Variants in TACR3 observed in about 807,000 individuals in gnomAD.
TACR3 encodes the protein tachykinin receptor 3, also known as neuromedin-K receptor.
TACR3 carries 34 observed loss-of-function variants against 35.0 expected under a neutral mutation model. The ratio of observed to expected loss-of-function variants is 0.97; its 90% CI spans 0.74 to 1.30. The LOEUF is 1.30. Ranked by LOEUF, TACR3 falls within the 50% of genes most tolerant of loss-of-function variation. The probability of loss-of-function intolerance (pLI) is 0.00; values close to 1 mark genes in which losing one functional copy is unlikely to be tolerated. For synonymous variants in TACR3, 233 were observed against 221.1 expected, an observed-to-expected ratio of 1.05 and a Z score of -0.48; for missense variants, 558 against 591.7, an observed-to-expected ratio of 0.94 and a Z score of 0.59.
At chr4:103,677,258 G>T (rs1240685856) in intron 1 of TACR3, among the ~76,000 whole-genome samples, 1 of 152,186 alleles carries the variant, frequency 6.6e-6, no homozygotes, top group Non-Finnish European at 1.5e-5. Flanking sequence ...TACACTGTTG[G>T]TAGGAGTATA....
chr4:103,603,345 G>A (rs575758492), intron 3 of TACR3, among the ~76,000 whole-genome samples: 5 of 152,326 alleles, frequency 3.3e-5, no homozygotes, highest in Admixed American at 6.5e-5. Context: ...TGCACTTCCC[G>A]GGTGAGGTTA....
In TACR3 at chr4:103,608,713, T is replaced by C. The variant is rs569250999; in HGVS notation, c.889-17030A>G. On this transcript the variant is annotated intron_variant, in intron 3 of 4. Transcript: ENST00000304883. Reference sequence around the variant, plus strand: ...AGGTCGCCAAGTACAACCGAAGGCTTATGCTTTCTAACAGAGTATGAGCAA... The same window carrying C: ...AGGTCGCCAAGTACAACCGAAGGCTCATGCTTTCTAACAGAGTATGAGCAA... Among the ~76,000 whole-genome samples the C allele has an allele frequency of 1.8e-4, 28 of 152,224 alleles. No individual in the cohort carries two copies. In the South Asian group the frequency reaches 5.8e-3, roughly 32 times the overall value.
At chr4:103,614,882 G>GTTTTTTTT (rs1325226834) in intron 3 of TACR3, among the ~76,000 whole-genome samples, 6 of 90,818 alleles carry the variant, frequency 6.6e-5, no homozygotes, top group Middle Eastern at 6.2e-3. Context: ...GATTATGAAT[G>GTTTTTTTT]TGTTTTTTTT....
At chr4:103,599,939 G>A (rs1326419210) in intron 3 of TACR3, among the ~76,000 whole-genome samples, 1 of 152,088 alleles carries the variant, frequency 6.6e-6, no homozygotes, top group Non-Finnish European at 1.5e-5. Context: ...GTCTCTGCTG[G>A]GCTTTGGTAT....
chr4:103,678,254 AT>A (rs201000395), intron 1 of TACR3, among the ~76,000 whole-genome samples: 4 of 151,928 alleles, frequency 2.6e-5, no homozygotes, highest in Non-Finnish European at 5.9e-5. Context: ...CACTGTATCA[AT>A]TTTTTTTATC....
In TACR3 at chr4:103,639,004, A is replaced by G. The variant is rs575759634; in HGVS notation, c.888+17190T>C. ...TACACTGTTGGTGGGACTGTAAACT[A>G]GTTCAACCATTGTGGAAGTCGGTGT... is the stretch of plus-strand genomic sequence containing the variant. On this transcript the variant is annotated intron_variant, in intron 3 of 4. Coordinates refer to ENST00000304883, the MANE Select transcript of TACR3 (RefSeq NM_001059.3). Among the ~76,000 whole-genome samples, 119 of 152,286 alleles carry G rather than the reference A, an allele frequency of 7.8e-4. 1 individual carries two copies. The highest frequency in any genetic ancestry group is 3.4e-3 in the Middle Eastern group (1 of 294).
chr4:103,609,706 T>C (rs1724471913), intron 3 of TACR3, among the ~76,000 whole-genome samples: 1 of 152,066 alleles, frequency 6.6e-6, no homozygotes, highest in Non-Finnish European at 1.5e-5. Flanking sequence ...TAACTTATTC[T>C]TCCTATCGAA....
intron 1 of TACR3, among the ~76,000 whole-genome samples, chr4:103,663,702 T>A (rs1725880398): frequency 6.6e-6 from 1 of 152,152 alleles, no homozygotes; most frequent in Non-Finnish European, 1.5e-5. Context: ...ATAGGGAGAA[T>A]TGCCAGGCTC....
At chr4:103,702,260 C>T (rs1269368631) in intron 1 of TACR3, among the ~76,000 whole-genome samples, 1 of 152,162 alleles carries the variant, frequency 6.6e-6, no homozygotes, top group African/African-American at 2.4e-5. Context: ...ACACACTTTT[C>T]AAAAGAAGAC....
chr4:103,599,095 G>A (rs1211160730), intron 3 of TACR3, among the ~76,000 whole-genome samples: 1 of 152,170 alleles, frequency 6.6e-6, no homozygotes, highest in Non-Finnish European at 1.5e-5. Flanking sequence ...AACATGGAAT[G>A]TTCTTCCATT....
At chr4:103,613,473 C>T (rs1360978423) in intron 3 of TACR3, among the ~76,000 whole-genome samples, 1 of 151,590 alleles carries the variant, frequency 6.6e-6, no homozygotes, top group South Asian at 2.1e-4. Context: ...GTGTGCGCTA[C>T]CACGCCCGGC....
chr4:103,665,737 T>C (rs1725924430), intron 1 of TACR3, among the ~76,000 whole-genome samples: 1 of 152,202 alleles, frequency 6.6e-6, no homozygotes. Context: ...TCCTTGGGGC[T>C]TTAGTGTGAT....
intron 1 of TACR3, among the ~76,000 whole-genome samples, chr4:103,706,810 T>A (rs73838911): frequency 0.02 from 2,994 of 152,270 alleles, 106 homozygotes; most frequent in African/African-American, 0.067. Context: ...GGAAGGACGA[T>A]GAATCAGGAT....
intron 3 of TACR3, among the ~76,000 whole-genome samples, chr4:103,654,026 G>T (rs113125626): frequency 0.32 from 39,089 of 121,058 alleles, 7,877 homozygotes; most frequent in African/African-American, 0.56. Context: ...AGAATGGCGA[G>T]CATTAAAAAG....
At chr4:103,654,004 C>A (rs1415441007) in intron 3 of TACR3, among the ~76,000 whole-genome samples, 3 of 146,768 alleles carry the variant, frequency 2.0e-5, no homozygotes, top group Admixed American at 2.0e-4. Flanking sequence ...GAGATACCAT[C>A]TCACACCAGT....
At chr4:103,616,351 TA>T (rs1360491560) in intron 3 of TACR3, among the ~76,000 whole-genome samples, 15 of 152,192 alleles carry the variant, frequency 9.9e-5, no homozygotes, top group Admixed American at 3.9e-4. Context: ...AGCATATACA[TA>T]AATAACATAT....
intron 3 of TACR3, among the ~76,000 whole-genome samples, chr4:103,599,102 C>G (rs1224880153): frequency 6.6e-6 from 1 of 152,136 alleles, no homozygotes; most frequent in African/African-American, 2.4e-5. Flanking sequence ...AATGTTCTTC[C>G]ATTTGTTTGT....
At chr4:103,624,622 G>A (rs1172746956) in intron 3 of TACR3, 4 of 151,746 alleles carry the variant, frequency 2.6e-5, no homozygotes, top group Admixed American at 2.6e-4. Flanking sequence ...AATCTTTGTT[G>A]AAATGAAATA....
At chr4:103,700,952 G>T (rs957939822) in intron 1 of TACR3, among the ~76,000 whole-genome samples, 1 of 152,104 alleles carries the variant, frequency 6.6e-6, no homozygotes, top group Non-Finnish European at 1.5e-5. Flanking sequence ...ATACTGAATG[G>T]GCAAAAACTG....
Sources: allele counts gnomAD v4.1 joint callset (sites outside exome capture counted in the v4.1 genomes callset), GRCh38; gene constraint gnomAD v4.1.1; transcripts MANE v1.5; gene names NCBI Gene and HGNC (gene_info 2026-07-23, HGNC 2026-07-21).